GLIS3: variants seen among roughly 807,000 people sequenced by gnomAD.
GLIS3 encodes zinc finger protein GLIS3.
A neutral mutation model predicts 78.6 loss-of-function variants in GLIS3; 53 were observed. That is an observed-to-expected ratio of 0.67 (90% CI 0.54 to 0.85). GLIS3 has a LOEUF of 0.85. GLIS3 is among the 40% of genes least tolerant of loss of function. The probability of loss-of-function intolerance (pLI) is 0.00; values close to 1 mark genes in which losing one functional copy is unlikely to be tolerated. For synonymous variants in GLIS3, 684 were observed against 509.9 expected (o/e 1.34, Z -4.60); for missense variants, 1,703 against 1,231.1 (o/e 1.38, Z -5.74).
chr9:4,024,202 T>C (rs1455725709), intron 4 of GLIS3, among the ~76,000 whole-genome samples: 1 of 152,196 alleles, frequency 6.6e-6, no homozygotes, highest in Non-Finnish European at 1.5e-5. Context: ...CCAGTCTGTC[T>C]GCAGGTGTTC....
intron 2 of GLIS3, among the ~76,000 whole-genome samples, chr9:4,236,204 A>AAAAAAAGAAAG (rs536737911): frequency 2.3e-5 from 2 of 86,342 alleles, no homozygotes; most frequent in African/African-American, 4.3e-5. Context: ...AAAAAAAAAA[A>AAAAAAAGAAAG]AAAGAAAGAA....
intron 9 of GLIS3, among the ~76,000 whole-genome samples, chr9:3,834,391 G>T (rs1267264352): frequency 6.6e-6 from 1 of 152,212 alleles, no homozygotes; most frequent in East Asian, 1.9e-4. Flanking sequence ...CTCTTTATCT[G>T]TGCTGTCCAA....
At chr9:4,134,825 C>T (rs914585776) in intron 2 of GLIS3, among the ~76,000 whole-genome samples, 1 of 152,122 alleles carries the variant, frequency 6.6e-6, no homozygotes, top group African/African-American at 2.4e-5. Flanking sequence ...TTCAGGAAAC[C>T]TTCTTGTTTT....
intron 2 of GLIS3, among the ~76,000 whole-genome samples, chr9:4,257,582 GTTAT>G (rs201035839): frequency 2.0e-4 from 8 of 39,992 alleles, no homozygotes; most frequent in Admixed American, 3.7e-4. Flanking sequence ...TGTTGTTGTT[GTTAT>G]TTTTTGAGAC....
intron 4 of GLIS3, among the ~76,000 whole-genome samples, chr9:4,090,076 G>A (rs1386760338): frequency 6.6e-6 from 1 of 152,154 alleles, no homozygotes; most frequent in East Asian, 1.9e-4. Context: ...CAGGGGGTAT[G>A]ATTCCTATTC....
At chr9:4,330,327 G>C (rs1334924357) in intron 2 of GLIS3, among the ~76,000 whole-genome samples, 1 of 152,276 alleles carries the variant, frequency 6.6e-6, no homozygotes, top group Non-Finnish European at 1.5e-5. Flanking sequence ...CCCATCCAGA[G>C]TCTCTGATTC....
At chr9:4,444,861 G>A in the GLIS3 span, among the ~76,000 whole-genome samples, 1 of 152,272 alleles carries the variant, frequency 6.6e-6, no homozygotes, top group East Asian at 1.9e-4. Context: ...TCTGAAAAGA[G>A]GTAAGTGAAA....
intron 2 of GLIS3, among the ~76,000 whole-genome samples, chr9:4,255,881 A>T (rs1049463846): frequency 3.3e-5 from 5 of 152,160 alleles, no homozygotes; most frequent in Non-Finnish European, 7.3e-5. Flanking sequence ...TGATGTGTCA[A>T]TGCAGGTTCA....
the GLIS3 span, among the ~76,000 whole-genome samples, chr9:4,376,325 A>T: frequency 1.3e-5 from 2 of 152,340 alleles, no homozygotes; most frequent in Non-Finnish European, 2.9e-5. Flanking sequence ...GGAGTATCCA[A>T]GGAGAGATTT....
At chr9:4,404,198 C>T in the GLIS3 span, among the ~76,000 whole-genome samples, 1 of 152,090 alleles carries the variant, frequency 6.6e-6, no homozygotes, top group East Asian at 1.9e-4. Context: ...ATGCACCCAA[C>T]GCTGGAGCAA....
At chr9:4,302,917 G>GAT (rs1451002074), upstream of GLIS3, among the ~76,000 whole-genome samples, 3 of 152,128 alleles carry the variant, frequency 2.0e-5, no homozygotes, top group Non-Finnish European at 2.9e-5. Flanking sequence ...GTAGAGAAGT[G>GAT]ATAAGCAAAG....
intron 4 of GLIS3, among the ~76,000 whole-genome samples, chr9:4,016,488 T>C (rs1189073616): frequency 6.6e-6 from 1 of 152,168 alleles, no homozygotes; most frequent in Non-Finnish European, 1.5e-5. Context: ...GAGCTCGACA[T>C]AATACATCAA....
intron 4 of GLIS3, among the ~76,000 whole-genome samples, chr9:4,076,429 T>G (rs1828059372): frequency 6.6e-6 from 1 of 152,224 alleles, no homozygotes; most frequent in Non-Finnish European, 1.5e-5. Context: ...CCGATTCCTA[T>G]GCTCCCATAC....
the GLIS3 span, among the ~76,000 whole-genome samples, chr9:4,458,513 G>A: frequency 6.6e-6 from 1 of 152,228 alleles, no homozygotes; most frequent in Non-Finnish European, 1.5e-5. Flanking sequence ...CCAGGGGCCA[G>A]GTGCAGTGGC....
chr9:4,082,187 C>T (rs1250123231), intron 4 of GLIS3, among the ~76,000 whole-genome samples: 1 of 152,198 alleles, frequency 6.6e-6, no homozygotes, highest in East Asian at 1.9e-4. Flanking sequence ...CGAGTAAGAG[C>T]ATCATGCAGG....
intron 2 of GLIS3, among the ~76,000 whole-genome samples, chr9:4,141,202 T>C (rs933067742): frequency 9.2e-5 from 14 of 152,122 alleles, no homozygotes; most frequent in African/African-American, 3.1e-4. Flanking sequence ...ATAGTGCCTC[T>C]AGGAGGGAGA....
chr9:4,447,206 C>T, the GLIS3 span, among the ~76,000 whole-genome samples: 2 of 152,054 alleles, frequency 1.3e-5, no homozygotes, highest in Non-Finnish European at 2.9e-5. Flanking sequence ...TGCCACCATG[C>T]CTGGCTAATT....
At chr9:3,926,293 C>T (rs1185571781) in intron 6 of GLIS3, among the ~76,000 whole-genome samples, 1 of 143,914 alleles carries the variant, frequency 6.9e-6, no homozygotes, top group African/African-American at 2.6e-5. Context: ...TGCAGTGGTG[C>T]AATCTCTGCT....
intron 2 of GLIS3, among the ~76,000 whole-genome samples, chr9:4,327,335 G>C (rs1010911774): frequency 1.3e-5 from 2 of 152,186 alleles, no homozygotes. Flanking sequence ...AGTCATTAGA[G>C]TAGGGGAAGA....
Sources: gnomAD v4.1 joint callset for allele counts (sites outside exome capture counted in the v4.1 genomes callset) on GRCh38, gnomAD v4.1.1 for gene constraint, MANE v1.5 for transcripts, NCBI Gene and HGNC (gene_info 2026-07-23, HGNC 2026-07-21) for gene names.